TRAPPC10: variants seen among roughly 807,000 people sequenced by gnomAD.
TRAPPC10 encodes the protein trafficking protein particle complex subunit 10.
In TRAPPC10, 23 loss-of-function variants were observed where a neutral mutation model predicts 125.5. That is an observed-to-expected ratio of 0.18 (90% CI 0.13 to 0.26). The LOEUF is 0.26. Ranked by LOEUF, TRAPPC10 falls within the 10% of genes least tolerant of loss-of-function variation. TRAPPC10 has a pLI of 1.00. For missense variants in TRAPPC10, 1,123 were observed against 1,308.4 expected, an observed-to-expected ratio of 0.86 and a Z score of 2.19; for synonymous variants, 509 against 518.0, an observed-to-expected ratio of 0.98 and a Z score of 0.24.
chr21:44,037,856 C>G lies in TRAPPC10; in HGVS notation c.214C>G (p.Leu72Val). 1.2e-6 allele frequency: 2 copies of G among 1,614,194 alleles called. No individual in the cohort carries two copies. Among genetic ancestry groups the G allele is most frequent in the Non-Finnish European group, 8.5e-7 (1 of 1,180,038 alleles). ...ESNFVQFKEE[L>V]LPKEGNKALL... is the part of the protein sequence containing the mutation. ...TAACTTTGTTCAATTCAAAGAGGAG[C>G]TGCTGCCCAAAGAAGGAAACAAAGC... Residue 72 changes from leucine (L) to valine (V), a missense_variant, in exon 3 of 23, where the codon CTG becomes GTG. By Grantham distance (32) the Leu-to-Val change is conservative. This residue lies in a region of TRAPPC10 where 177 missense variants were observed against 228.9 expected (regional missense o/e 0.77). Transcript: ENST00000291574.
At chr21:44,025,391 T>C (rs1183252072) in intron 1 of TRAPPC10, among the ~76,000 whole-genome samples, 1 of 152,268 alleles carries the variant, frequency 6.6e-6, no homozygotes, top group Non-Finnish European at 1.5e-5. Flanking sequence ...TTTTAACTTG[T>C]AAATACAGTA....
chr21:44,086,088 G>A (rs989593734), intron 15 of TRAPPC10, among the ~76,000 whole-genome samples: 1 of 152,192 alleles, frequency 6.6e-6, no homozygotes, highest in East Asian at 1.9e-4. Context: ...GTGTAGAGAA[G>A]CTGAACTCGA....
intron 2 of TRAPPC10, among the ~76,000 whole-genome samples, chr21:44,035,981 G>A (rs2033953635): frequency 6.6e-6 from 1 of 152,148 alleles, no homozygotes; most frequent in South Asian, 2.1e-4. Flanking sequence ...AGCAGGAATG[G>A]GAGAGCATGG....
chr21:44,075,200 G>C (rs1310295928), intron 9 of TRAPPC10, 47 bp downstream of exon 9: 4 of 1,374,708 alleles, frequency 2.9e-6, no homozygotes, highest in Non-Finnish European at 4.1e-6. Context: ...GGACAGTAAT[G>C]AAAATGTCCT....
intron 2 of TRAPPC10, among the ~76,000 whole-genome samples, chr21:44,035,997 A>G (rs1303146158): frequency 6.6e-6 from 1 of 152,136 alleles, no homozygotes; most frequent in African/African-American, 2.4e-5. Context: ...CATGGAGGAA[A>G]AGCTGGCCCT....
intron 7 of TRAPPC10, among the ~76,000 whole-genome samples, chr21:44,070,092 G>C (rs1646602004): frequency 1.3e-5 from 2 of 152,268 alleles, no homozygotes; most frequent in South Asian, 4.1e-4. Flanking sequence ...GGAGGGGCTG[G>C]TGACTGGCAG....
Position 44,043,458 on chromosome 21 carries a change from C to T in TRAPPC10, c.285+5531C>T, listed in dbSNP as rs947240055. Among the ~76,000 whole-genome samples, 9 of 152,122 alleles carry T rather than the reference C, an allele frequency of 5.9e-5. No homozygotes were observed. In the East Asian group the frequency reaches 1.5e-3, roughly 26 times the overall value. On this transcript the variant is annotated intron_variant, in intron 3 of 22. Coordinates refer to ENST00000291574, the MANE Select transcript of TRAPPC10 (RefSeq NM_003274.5). ...CAAACTCCTGACCTCGTGATCCACC[C>T]GCCTCGGCATCCCAAAGTGCTGGGA...
chr21:44,017,729 T>A (rs1432148461), intron 1 of TRAPPC10, among the ~76,000 whole-genome samples: 1 of 151,754 alleles, frequency 6.6e-6, no homozygotes, highest in Non-Finnish European at 1.5e-5. Flanking sequence ...ACGCTGCTTC[T>A]CCCTTTGGTT....
At chr21:44,036,271 C>G (rs1179689848) in intron 2 of TRAPPC10, among the ~76,000 whole-genome samples, 1 of 152,228 alleles carries the variant, frequency 6.6e-6, no homozygotes, top group East Asian at 1.9e-4. Context: ...ACATAAAATA[C>G]ATTTACGAGC....
chr21:44,038,219 G>A (rs1328981563), intron 3 of TRAPPC10, among the ~76,000 whole-genome samples: 1 of 152,206 alleles, frequency 6.6e-6, no homozygotes, highest in Non-Finnish European at 1.5e-5. Context: ...TTGCTGTTGC[G>A]TGTTTGCGCC....
chr21:44,012,449 C>G lies in TRAPPC10; in HGVS notation c.-45C>G. ...GGCTGGGCCCGGCGCGGCCTCGGGG[C>G]TGCCCATGGGGCGCGGGGGGCCGGG... On this transcript the variant is annotated 5_prime_UTR_variant, in exon 1 of 23. Coordinates refer to ENST00000291574, the MANE Select transcript of TRAPPC10 (RefSeq NM_003274.5). 1 of 1,332,364 alleles carries G rather than the reference C, an allele frequency of 7.5e-7. No homozygotes were observed. Among genetic ancestry groups the G allele is most frequent in the South Asian group, 1.4e-5 (1 of 68,974 alleles). 82.5% of individuals were successfully genotyped at this position (1,332,364 alleles called of 1,614,324 possible). A position where few individuals can be genotyped will look rare whatever the true frequency, so the allele number is the denominator to read the frequency against.
intron 3 of TRAPPC10, among the ~76,000 whole-genome samples, chr21:44,049,944 A>G (rs1257388646): frequency 2.7e-5 from 4 of 150,578 alleles, no homozygotes; most frequent in African/African-American, 7.4e-5. Context: ...CAGTGGCATG[A>G]TCTCGGCTCA....
At chr21:44,018,137 G>A (rs2032080445) in intron 1 of TRAPPC10, among the ~76,000 whole-genome samples, 1 of 135,494 alleles carries the variant, frequency 7.4e-6, no homozygotes, top group African/African-American at 3.5e-5. Context: ...GGAAAGGTCT[G>A]ATTTTCTTTT....
chr21:44,041,240 CT>C (rs1295381645), intron 3 of TRAPPC10, among the ~76,000 whole-genome samples: 1 of 152,138 alleles, frequency 6.6e-6, no homozygotes, highest in African/African-American at 2.4e-5. Flanking sequence ...GGGCCAGGTA[CT>C]TTTTTGTAAC....
intron 7 of TRAPPC10, among the ~76,000 whole-genome samples, chr21:44,065,906 G>A (rs768308482): frequency 8.6e-5 from 13 of 152,020 alleles, no homozygotes; most frequent in Non-Finnish European, 1.6e-4. Flanking sequence ...TCACTGTGTC[G>A]CCCAGGCTGG....
chr21:44,013,347 G>A (rs1304976074), intron 1 of TRAPPC10, among the ~76,000 whole-genome samples: 1 of 152,254 alleles, frequency 6.6e-6, no homozygotes, highest in African/African-American at 2.4e-5. Context: ...GAGCTTATGG[G>A]AAGTATTGAA....
chr21:44,086,721 GC>G (rs1461165761), intron 15 of TRAPPC10, 80 bp from the exon 16 acceptor site: 17 of 1,442,290 alleles, frequency 1.2e-5, no homozygotes, highest in Non-Finnish European at 1.5e-5. Context: ...AAGAAATAGA[GC>G]CCCTTTCACC....
intron 2 of TRAPPC10, among the ~76,000 whole-genome samples, chr21:44,032,884 C>T (rs1008794490): frequency 1.3e-5 from 2 of 152,214 alleles, no homozygotes; most frequent in Non-Finnish European, 1.5e-5. Context: ...AGCCATCTTA[C>T]AAGACCCTCC....
intron 7 of TRAPPC10, among the ~76,000 whole-genome samples, chr21:44,065,611 T>A (rs1301687655): frequency 2.0e-5 from 3 of 152,228 alleles, no homozygotes; most frequent in African/African-American, 7.2e-5. Context: ...GTCTCTTTCC[T>A]TCTAAGAACC....
Sources: allele counts gnomAD v4.1 joint callset (sites outside exome capture counted in the v4.1 genomes callset), GRCh38; gene constraint gnomAD v4.1.1; regional missense constraint gnomAD v4.1.1; transcripts MANE v1.5; gene names NCBI Gene and HGNC (gene_info 2026-07-23, HGNC 2026-07-21).